CPNE4: variants seen among roughly 807,000 people sequenced by gnomAD.
CPNE4 encodes the protein copine 4.
A neutral mutation model predicts 67.9 loss-of-function variants in CPNE4; 25 were observed. The observed-to-expected ratio is 0.37, with a 90% CI of 0.27 to 0.51. The LOEUF is 0.51. CPNE4 is among the 20% of genes least tolerant of loss of function. The pLI is 0.93. For synonymous variants in CPNE4, 242 were observed against 244.9 expected (o/e 0.99, Z 0.11); for missense variants, 464 against 690.8 (o/e 0.67, Z 3.68).
intron 12 of CPNE4, among the ~76,000 whole-genome samples, chr3:131,553,027 C>A (rs1411256139): frequency 1.3e-5 from 2 of 152,074 alleles, no homozygotes; most frequent in Non-Finnish European, 2.9e-5. Context: ...ACAGACTGCA[C>A]TCTACTTTTG....
intron 7 of CPNE4, among the ~76,000 whole-genome samples, chr3:131,633,244 A>G (rs1224752878): frequency 2.0e-5 from 3 of 152,132 alleles, no homozygotes; most frequent in Non-Finnish European, 4.4e-5. Flanking sequence ...TCTTGCCTGA[A>G]TTATTGCAAT....
At chr3:131,591,770 T>C (rs1181854588) in intron 7 of CPNE4, among the ~76,000 whole-genome samples, 2 of 152,158 alleles carry the variant, frequency 1.3e-5, no homozygotes, top group Non-Finnish European at 2.9e-5. Context: ...TGTCTTTCCT[T>C]CTCTCCCTGG....
chr3:131,719,214 TC>T (rs1335718380), intron 3 of CPNE4, among the ~76,000 whole-genome samples: 1 of 152,212 alleles, frequency 6.6e-6, no homozygotes, highest in African/African-American at 2.4e-5. Context: ...GGTGACCTCC[TC>T]TCATCCTTCC....
chr3:131,584,108 A>G (rs1361311145), intron 8 of CPNE4, among the ~76,000 whole-genome samples: 1 of 152,174 alleles, frequency 6.6e-6, no homozygotes, highest in Non-Finnish European at 1.5e-5. Flanking sequence ...CATAACTCCC[A>G]CAGGAAAAGG....
At chr3:131,553,360 C>A (rs1328896632) in intron 12 of CPNE4, among the ~76,000 whole-genome samples, 1 of 152,106 alleles carries the variant, frequency 6.6e-6, no homozygotes, top group East Asian at 1.9e-4. Flanking sequence ...GCTCTTAGCA[C>A]TTCCAGGTAA....
chr3:131,540,516 A>T (rs1210380211), intron 15 of CPNE4, among the ~76,000 whole-genome samples: 1 of 152,232 alleles, frequency 6.6e-6, no homozygotes, highest in East Asian at 1.9e-4. Flanking sequence ...CCAGGATTAC[A>T]GTCAAGTATG....
intron 7 of CPNE4, among the ~76,000 whole-genome samples, chr3:131,637,184 A>T (rs1167299702): frequency 6.6e-6 from 1 of 152,250 alleles, no homozygotes; most frequent in Non-Finnish European, 1.5e-5. Flanking sequence ...GATCCAAACC[A>T]AGGCAAAATC....
rs1026414353 is a variant in CPNE4, at chr3:131,535,048, T to G, written c.*147A>C. On this transcript the variant is annotated 3_prime_UTR_variant, in exon 16 of 16. Coordinates refer to ENST00000429747, the MANE Select transcript of CPNE4 (RefSeq NM_130808.3). ...TCAGGGCTACACATGCAAAAAAAAT[T>G]GTCAGATAGTTAAAAATCACCAAAA... The G allele has an allele frequency of 2.3e-5, 18 of 782,020 alleles. No individual in the cohort carries two copies. The Admixed American group carries it at 6.3e-4, about 28-fold the overall frequency. 48.4% of individuals were successfully genotyped at this position (782,020 alleles called of 1,614,324 possible).
At chr3:131,936,130 A>T (rs2071211654) in intron 1 of CPNE4, among the ~76,000 whole-genome samples, 1 of 151,804 alleles carries the variant, frequency 6.6e-6, no homozygotes. Context: ...AGTAATAAAC[A>T]ATTTTTTAAA....
intron 2 of CPNE4, among the ~76,000 whole-genome samples, chr3:131,767,772 TTATA>T (rs1186055315): frequency 3.0e-5 from 2 of 67,484 alleles, no homozygotes; most frequent in Non-Finnish European, 6.2e-5. Context: ...CACACTCAGA[TTATA>T]TATTTATTTA....
At chr3:131,797,639 A>G (rs1003727186) in intron 2 of CPNE4, among the ~76,000 whole-genome samples, 2 of 152,206 alleles carry the variant, frequency 1.3e-5, no homozygotes, top group African/African-American at 4.8e-5. Context: ...AATACAATAG[A>G]TACACAAGGC....
At chr3:131,579,448 C>T (rs1217823138) in intron 9 of CPNE4, among the ~76,000 whole-genome samples, 1 of 152,156 alleles carries the variant, frequency 6.6e-6, no homozygotes, top group African/African-American at 2.4e-5. Context: ...GGGGTAATTT[C>T]AACTTTCAAG....
chr3:131,738,113 T>C (rs1030018836), intron 2 of CPNE4, among the ~76,000 whole-genome samples: 1 of 152,260 alleles, frequency 6.6e-6, no homozygotes, highest in Non-Finnish European at 1.5e-5. Context: ...GCTGAAATCC[T>C]TGAGTGCACA....
chr3:131,632,278 G>A (rs1037255613), intron 7 of CPNE4, among the ~76,000 whole-genome samples: 2 of 151,926 alleles, frequency 1.3e-5, no homozygotes, highest in African/African-American at 4.8e-5. Context: ...CTAAAGTGCT[G>A]GGATTACAGG....
At chr3:131,846,288 T>C (rs1214085114) in intron 2 of CPNE4, among the ~76,000 whole-genome samples, 1 of 152,214 alleles carries the variant, frequency 6.6e-6, no homozygotes, top group African/African-American at 2.4e-5. Flanking sequence ...CAAGAGGTGT[T>C]CGTTTAGTAC....
At chr3:131,801,393 T>C (rs1368708795) in intron 2 of CPNE4, among the ~76,000 whole-genome samples, 1 of 110,198 alleles carries the variant, frequency 9.1e-6, no homozygotes, top group East Asian at 2.5e-4. Context: ...ATATGGTACA[T>C]ATATATATAG....
At chr3:131,927,395 C>G (rs2107822210) in intron 1 of CPNE4, among the ~76,000 whole-genome samples, 1 of 151,564 alleles carries the variant, frequency 6.6e-6, no homozygotes, top group African/African-American at 2.4e-5. Flanking sequence ...GAGCCCTTCT[C>G]CCATCACATC....
chr3:131,713,430 G>T (rs769321602), intron 3 of CPNE4, among the ~76,000 whole-genome samples: 95 of 152,212 alleles, frequency 6.2e-4, no homozygotes, highest in South Asian at 1.5e-3. Context: ...GATGAGAAAG[G>T]GTAGTGGAAG....
chr3:131,570,122 C>T (rs185384645), intron 10 of CPNE4, among the ~76,000 whole-genome samples: 1 of 151,438 alleles, frequency 6.6e-6, no homozygotes. Context: ...TAACTAAATA[C>T]TATGATAATA....
Sources: gnomAD v4.1 joint callset for allele counts (sites outside exome capture counted in the v4.1 genomes callset) on GRCh38, gnomAD v4.1.1 for gene constraint, MANE v1.5 for transcripts, NCBI Gene and HGNC (gene_info 2026-07-23, HGNC 2026-07-21) for gene names.